The following DNAJC1 variants were observed in gnomAD, a reference collection of about 807,000 sequenced individuals.
DNAJC1 encodes DnaJ heat shock protein family (Hsp40) member C1.
DNAJC1 carries 58 observed loss-of-function variants against 76.6 expected under a neutral mutation model. The observed-to-expected ratio is 0.76, with a 90% CI of 0.61 to 0.94. DNAJC1 has a LOEUF of 0.94. Ranked by LOEUF, DNAJC1 falls within the 40% of genes least tolerant of loss-of-function variation. The pLI, the probability that DNAJC1 is intolerant of heterozygous loss-of-function variation, is 0.00. For synonymous variants in DNAJC1, 258 were observed against 267.9 expected (o/e 0.96, Z 0.36); for missense variants, 689 against 677.3 (o/e 1.02, Z -0.19).
chr10:21,861,390 C>G (rs969294333), intron 8 of DNAJC1, among the ~76,000 whole-genome samples: 6 of 151,992 alleles, frequency 3.9e-5, no homozygotes, highest in Non-Finnish European at 4.4e-5. Flanking sequence ...AGACTTAACC[C>G]CCAAATGTCA....
chr10:21,835,072 C>T (rs1026050391), intron 8 of DNAJC1, among the ~76,000 whole-genome samples: 3 of 152,128 alleles, frequency 2.0e-5, no homozygotes, highest in Non-Finnish European at 2.9e-5. Flanking sequence ...CTGGGAGGCA[C>T]CCCCCAGTAG....
chr10:21,842,066 G>A (rs1351282715), intron 8 of DNAJC1, among the ~76,000 whole-genome samples: 1 of 133,182 alleles, frequency 7.5e-6, no homozygotes, highest in Non-Finnish European at 1.5e-5. Context: ...ATGGACACAG[G>A]AAGGGGAACA....
At chr10:21,782,669 C>T (rs949811650) in intron 9 of DNAJC1, among the ~76,000 whole-genome samples, 3 of 152,150 alleles carry the variant, frequency 2.0e-5, no homozygotes, top group Admixed American at 6.5e-5. Flanking sequence ...ACTGGCAAAC[C>T]GAATCCAGCA....
chr10:21,766,844 C>A (rs1017854084), intron 9 of DNAJC1, among the ~76,000 whole-genome samples: 2 of 151,872 alleles, frequency 1.3e-5, no homozygotes, highest in African/African-American at 4.8e-5. Flanking sequence ...GCGGTGGTTG[C>A]CTGTAATCCC....
At chr10:21,906,045 CTG>C (rs1385332508) in intron 6 of DNAJC1, among the ~76,000 whole-genome samples, 1 of 152,124 alleles carries the variant, frequency 6.6e-6, no homozygotes, top group African/African-American at 2.4e-5. Flanking sequence ...TCCTGGGGGT[CTG>C]TGTCTCTTGG....
chr10:21,842,228 C>T (rs1433339066), intron 8 of DNAJC1, among the ~76,000 whole-genome samples: 1 of 151,268 alleles, frequency 6.6e-6, no homozygotes, highest in East Asian at 1.9e-4. Context: ...GCACATGTAC[C>T]CTAAAACTTA....
chr10:21,889,760 C>G (rs1016743188), intron 7 of DNAJC1, among the ~76,000 whole-genome samples: 3 of 152,148 alleles, frequency 2.0e-5, no homozygotes, highest in Non-Finnish European at 4.4e-5. Flanking sequence ...AAAGCCTGCT[C>G]TCTCTAGCTA....
intron 1 of DNAJC1, among the ~76,000 whole-genome samples, chr10:21,964,807 G>C (rs1837863437): frequency 6.6e-6 from 1 of 151,050 alleles, no homozygotes; most frequent in Non-Finnish European, 1.5e-5. Context: ...TAGAATTCTA[G>C]AATTCCAGTA....
At chr10:21,801,308 T>C (rs1304995635) in intron 9 of DNAJC1, among the ~76,000 whole-genome samples, 4 of 151,876 alleles carry the variant, frequency 2.6e-5, no homozygotes, top group African/African-American at 4.8e-5. Flanking sequence ...AATAATCCCA[T>C]GAAAAAGTGG....
chr10:21,884,398 TA>T (rs1836334737), intron 7 of DNAJC1, among the ~76,000 whole-genome samples: 2 of 152,298 alleles, frequency 1.3e-5, no homozygotes, highest in South Asian at 4.1e-4. Flanking sequence ...GGTACAAATT[TA>T]AAATCTAATT....
At chr10:21,824,683 G>A (rs1835218620) in intron 8 of DNAJC1, among the ~76,000 whole-genome samples, 1 of 152,088 alleles carries the variant, frequency 6.6e-6, no homozygotes, top group Admixed American at 6.6e-5. Flanking sequence ...AGTTCACAAG[G>A]CTGTCACAAA....
intron 1 of DNAJC1, among the ~76,000 whole-genome samples, chr10:21,938,738 C>T (rs1837355802): frequency 6.6e-6 from 1 of 152,206 alleles, no homozygotes; most frequent in Non-Finnish European, 1.5e-5. Context: ...AAAACTCATT[C>T]TATTTATACA....
intron 8 of DNAJC1, among the ~76,000 whole-genome samples, chr10:21,828,652 A>C (rs549782125): frequency 1.3e-5 from 2 of 152,338 alleles, no homozygotes; most frequent in African/African-American, 4.8e-5. Context: ...TTCATAATCA[A>C]TCTTGTTCCA....
chr10:21,916,581 T>C (rs963162825), intron 6 of DNAJC1, among the ~76,000 whole-genome samples: 4 of 152,234 alleles, frequency 2.6e-5, no homozygotes, highest in Admixed American at 2.6e-4. Flanking sequence ...GTTGTACCTA[T>C]CATTTTTTAT....
At chr10:21,982,458 TAAAC>T (rs1022753517) in intron 1 of DNAJC1, among the ~76,000 whole-genome samples, 9 of 152,016 alleles carry the variant, frequency 5.9e-5, no homozygotes, top group South Asian at 2.1e-4. Context: ...AGAGAGTAAA[TAAAC>T]AACCCACAGA....
intron 9 of DNAJC1, among the ~76,000 whole-genome samples, chr10:21,797,507 T>A (rs1277011527): frequency 1.3e-5 from 2 of 152,174 alleles, no homozygotes; most frequent in Non-Finnish European, 2.9e-5. Flanking sequence ...AACAAAAAAA[T>A]TTTAAAACAA....
chr10:21,772,868 G>C (rs1431572306), intron 9 of DNAJC1, among the ~76,000 whole-genome samples: 1 of 152,102 alleles, frequency 6.6e-6, no homozygotes, highest in African/African-American at 2.4e-5. Flanking sequence ...GCATCTGCTT[G>C]GCTTCTGGGG....
At chr10:21,769,500 GCTCT>G (rs1046955429) in intron 9 of DNAJC1, among the ~76,000 whole-genome samples, 8 of 152,068 alleles carry the variant, frequency 5.3e-5, no homozygotes, top group African/African-American at 9.7e-5. Context: ...TAAAATTTTT[GCTCT>G]CTATCACTAT....
At chr10:21,974,648 T>C (rs756458069) in intron 1 of DNAJC1, among the ~76,000 whole-genome samples, 9 of 152,318 alleles carry the variant, frequency 5.9e-5, no homozygotes, top group Non-Finnish European at 1.3e-4. Context: ...AGACTCCAAC[T>C]TACTACACTG....
Sources: allele counts gnomAD v4.1 joint callset (sites outside exome capture counted in the v4.1 genomes callset), GRCh38; gene constraint gnomAD v4.1.1; transcripts MANE v1.5; gene names NCBI Gene and HGNC (gene_info 2026-07-23, HGNC 2026-07-21).